The following MCF2L2 variants were observed in gnomAD, a reference collection of about 807,000 sequenced individuals.
The protein encoded by MCF2L2 is MCF.2 cell line derived transforming sequence-like 2.
In MCF2L2, 102 loss-of-function variants were observed where a neutral mutation model predicts 150.2. The ratio of observed to expected loss-of-function variants is 0.68; its 90% CI spans 0.58 to 0.80. MCF2L2 has a LOEUF of 0.80. Among genes scored for constraint, MCF2L2 ranks in the 30% least tolerant of loss-of-function variants. MCF2L2 has a pLI of 0.00. For synonymous variants in MCF2L2, 465 were observed against 491.3 expected, an observed-to-expected ratio of 0.95 and a Z score of 0.71; for missense variants, 1,256 against 1,372.8, an observed-to-expected ratio of 0.91 and a Z score of 1.34.
intron 6 of MCF2L2, 106 bp from the exon 7 acceptor site, chr3:183,318,323 C>T (rs1407119628): frequency 7.7e-7 from 1 of 1,303,350 alleles, no homozygotes; most frequent in Non-Finnish European, 1.1e-6. Flanking sequence ...TGAATAATCA[C>T]CTCACCTTGG....
rs1393539790 is a variant in MCF2L2, at chr3:183,309,822, A to G, written c.1007T>C (p.Leu336Pro). Residue 336 changes from leucine to proline, a missense_variant, in exon 10 of 30, where the codon CTG (leucine) becomes CCG (proline). Coordinates refer to ENST00000328913, the MANE Select transcript of MCF2L2 (RefSeq NM_015078.4). ...TGCTTGCTCTTCCAGCAAATTATCC[A>G]GGGCAAGCTTAGCCTACAAGAAACA... is the stretch of plus-strand genomic sequence containing the variant. ...EHDFCKAKLALDNLLEEQAEF... is the reference protein window; with the variant it reads ...EHDFCKAKLAPDNLLEEQAEF... The G allele has an allele frequency of 6.2e-7, 1 of 1,613,884 alleles. No homozygotes were observed. Among genetic ancestry groups the G allele is most frequent in the Non-Finnish European group, 8.5e-7 (1 of 1,180,004 alleles).
chr3:183,193,626 T>C (rs1721984800), intron 26 of MCF2L2, among the ~76,000 whole-genome samples: 1 of 152,160 alleles, frequency 6.6e-6, no homozygotes, highest in South Asian at 2.1e-4. Context: ...TGGGATTACA[T>C]GGCTACAAAT....
intron 12 of MCF2L2, among the ~76,000 whole-genome samples, chr3:183,295,989 A>C (rs976385523): frequency 1.3e-5 from 2 of 152,118 alleles, no homozygotes; most frequent in African/African-American, 4.8e-5. Context: ...ATTAGAATAC[A>C]ATGTGGCTTG....
intron 20 of MCF2L2, among the ~76,000 whole-genome samples, chr3:183,222,065 T>C (rs1723168774): frequency 2.0e-5 from 3 of 152,242 alleles, no homozygotes; most frequent in Non-Finnish European, 4.4e-5. Context: ...GGTCTTGCTA[T>C]GTTGCCCAGG....
At chr3:183,280,038 A>C (rs1245131525) in intron 14 of MCF2L2, among the ~76,000 whole-genome samples, 2 of 151,138 alleles carry the variant, frequency 1.3e-5, no homozygotes, top group Admixed American at 6.6e-5. Context: ...AAAAAAAAAA[A>C]AGGAGGGGGT....
intron 22 of MCF2L2, among the ~76,000 whole-genome samples, chr3:183,214,138 T>C (rs764530204): frequency 2.9e-4 from 44 of 152,230 alleles, no homozygotes; most frequent in Non-Finnish European, 6.2e-4. Flanking sequence ...CTGCCCTGTG[T>C]ATTGTTTCCA....
intron 3 of MCF2L2, among the ~76,000 whole-genome samples, chr3:183,344,235 T>G (rs1441574089): frequency 6.6e-6 from 1 of 152,082 alleles, no homozygotes; most frequent in African/African-American, 2.4e-5. Context: ...TAATCCCAGG[T>G]AGATTGTGCT....
chr3:183,336,123 T>C (rs1195510392), intron 5 of MCF2L2, among the ~76,000 whole-genome samples: 1 of 152,230 alleles, frequency 6.6e-6, no homozygotes, highest in African/African-American at 2.4e-5. Flanking sequence ...TATTTTATTA[T>C]AGCGGCACGA....
intron 15 of MCF2L2, among the ~76,000 whole-genome samples, chr3:183,264,067 TAATA>T (rs1725870480): frequency 6.6e-6 from 1 of 151,910 alleles, no homozygotes; most frequent in South Asian, 2.1e-4. Flanking sequence ...TGCTCAAACT[TAATA>T]AATACTGAGC....
intron 26 of MCF2L2, among the ~76,000 whole-genome samples, chr3:183,194,132 C>T (rs913079954): frequency 2.0e-5 from 3 of 152,136 alleles, no homozygotes; most frequent in African/African-American, 7.2e-5. Flanking sequence ...GGAGAAACAG[C>T]TGCTTTCTAG....
intron 5 of MCF2L2, among the ~76,000 whole-genome samples, chr3:183,327,406 A>C (rs1341726024): frequency 6.6e-6 from 1 of 152,244 alleles, no homozygotes; most frequent in Non-Finnish European, 1.5e-5. Flanking sequence ...GGGTTCTCAC[A>C]CTTGTATGCC....
intron 10 of MCF2L2, among the ~76,000 whole-genome samples, chr3:183,301,793 C>CAAAAAA (rs200514561): frequency 8.0e-6 from 1 of 124,344 alleles, no homozygotes; most frequent in African/African-American, 3.0e-5. Context: ...GCTCTGTCTC[C>CAAAAAA]AAAAAAAAAA....
At chr3:183,385,757 G>A (rs74841121) in intron 2 of MCF2L2, among the ~76,000 whole-genome samples, 5,015 of 152,268 alleles carry the variant, frequency 0.033, 245 homozygotes, top group African/African-American at 0.1. Flanking sequence ...CGTCTCCTGT[G>A]GCAGTTAGAA....
At chr3:183,419,394 T>C (rs184184416) in intron 1 of MCF2L2, among the ~76,000 whole-genome samples, 5 of 152,352 alleles carry the variant, frequency 3.3e-5, no homozygotes, top group South Asian at 2.1e-4. Context: ...TTATTACTTA[T>C]GCAAATCTTT....
At chr3:183,261,333 A>C (rs899369303) in intron 15 of MCF2L2, among the ~76,000 whole-genome samples, 2 of 152,234 alleles carry the variant, frequency 1.3e-5, no homozygotes, top group African/African-American at 4.8e-5. Flanking sequence ...AGAAGAAGCC[A>C]GGAAAAAATA....
intron 14 of MCF2L2, among the ~76,000 whole-genome samples, chr3:183,280,459 A>G (rs1727407838): frequency 6.6e-6 from 1 of 152,164 alleles, no homozygotes; most frequent in South Asian, 2.1e-4. Context: ...CAACCTTTGA[A>G]CAAAATTAAA....
chr3:183,389,803 GGTTA>G lies in MCF2L2; in HGVS notation c.77-28_77-25del, dbSNP rs772132123. The G allele has an allele frequency of 3.0e-5, 47 of 1,585,152 alleles. 1 individual carries two copies. The highest frequency in any genetic ancestry group is 1.8e-4 in the South Asian group (16 of 90,372). Reference sequence around the variant, plus strand: ...ATCTGCACAAATGAAATACAAAGTGGGTTAGTTAAACATGTGCAAATTACAAGAA... The same window carrying G: ...ATCTGCACAAATGAAATACAAAGTGGGTTAAACATGTGCAAATTACAAGAA... On this transcript the variant is annotated intron_variant, in intron 1 of 29. Transcript: ENST00000328913.
intron 7 of MCF2L2, among the ~76,000 whole-genome samples, chr3:183,316,025 C>T (rs888657645): frequency 2.0e-5 from 3 of 152,186 alleles, no homozygotes; most frequent in African/African-American, 7.2e-5. Flanking sequence ...CAGTCCTTGC[C>T]GCGCTGGGCG....
intron 1 of MCF2L2, among the ~76,000 whole-genome samples, chr3:183,419,610 T>C (rs945606510): frequency 6.6e-6 from 1 of 152,224 alleles, no homozygotes; most frequent in African/African-American, 2.4e-5. Flanking sequence ...CAGTGGCTCA[T>C]GCCTGTAATC....
Sources: allele counts gnomAD v4.1 joint callset (sites outside exome capture counted in the v4.1 genomes callset), GRCh38; gene constraint gnomAD v4.1.1; transcripts MANE v1.5; gene names NCBI Gene and HGNC (gene_info 2026-07-23, HGNC 2026-07-21).